RPF2: variants seen among roughly 807,000 people sequenced by gnomAD.
RPF2 encodes brix domain containing 1.
In RPF2, 21 loss-of-function variants were observed where a neutral mutation model predicts 38.9. That is an observed-to-expected ratio of 0.54 (90% CI 0.38 to 0.78). The LOEUF (loss-of-function observed/expected upper bound fraction) is 0.78, where lower values mean the gene tolerates loss of function less well. Among genes scored for constraint, RPF2 ranks in the 30% least tolerant of loss-of-function variants. RPF2 has a pLI of 0.00. For synonymous variants in RPF2, 121 were observed against 126.2 expected (o/e 0.96, Z 0.28); for missense variants, 314 against 358.1 (o/e 0.88, Z 0.99).
chr6:110,989,090 A>G (rs1385027130), intron 3 of RPF2, 25 bp downstream of exon 3: 2 of 1,498,066 alleles, frequency 1.3e-6, no homozygotes, highest in Admixed American at 5.2e-5. Flanking sequence ...CTTTTACTGT[A>G]TTTTAAATGA....
intron 8 of RPF2, among the ~76,000 whole-genome samples, chr6:111,023,771 A>C (rs987174158): frequency 6.6e-6 from 1 of 152,124 alleles, no homozygotes; most frequent in Non-Finnish European, 1.5e-5. Flanking sequence ...GAGGATCATG[A>C]GGTCAGGAGA....
intron 5 of RPF2, among the ~76,000 whole-genome samples, chr6:110,997,473 G>A (rs1472927567): frequency 6.6e-6 from 1 of 152,150 alleles, no homozygotes; most frequent in Non-Finnish European, 1.5e-5. Flanking sequence ...CTGGCATGGT[G>A]GTTCATGCCT....
intron 2 of RPF2, among the ~76,000 whole-genome samples, chr6:110,987,382 A>G (rs533831717): frequency 5.9e-5 from 9 of 152,288 alleles, no homozygotes; most frequent in African/African-American, 2.2e-4. Flanking sequence ...AAACTTGACC[A>G]AACTCTATGC....
At chr6:110,984,283 T>C (rs1394145224) in intron 1 of RPF2, among the ~76,000 whole-genome samples, 1 of 152,120 alleles carries the variant, frequency 6.6e-6, no homozygotes, top group African/African-American at 2.4e-5. Context: ...TGATCAGCAG[T>C]TGATGCTCAA....
chr6:110,991,860 A>C (rs936248066), intron 4 of RPF2, 74 bp downstream of exon 4: 10 of 540,806 alleles, frequency 1.8e-5, no homozygotes, highest in Non-Finnish European at 2.8e-5. Context: ...TTTGTACTCC[A>C]AATTTGTGAT....
chr6:111,006,323 C>CAAA (rs1771907454), intron 6 of RPF2, among the ~76,000 whole-genome samples: 4 of 151,950 alleles, frequency 2.6e-5, no homozygotes, highest in Admixed American at 2.6e-4. Context: ...CAACCTCTGT[C>CAAA]TCTTGGGTTC....
At chr6:110,985,270 C>A in intron 2 of RPF2, 132 bp downstream of exon 2, 1 of 708,544 alleles carries the variant, frequency 1.4e-6, no homozygotes, top group Non-Finnish European at 2.2e-6. Flanking sequence ...TAGAGAAGAG[C>A]TAAAGTTGGG....
intron 6 of RPF2, among the ~76,000 whole-genome samples, chr6:111,003,242 C>G (rs900898774): frequency 6.6e-6 from 1 of 151,980 alleles, no homozygotes; most frequent in Non-Finnish European, 1.5e-5. Context: ...TATTTCTTAC[C>G]TCACCTACCT....
chr6:110,989,375 G>C (rs1771578906), intron 3 of RPF2, among the ~76,000 whole-genome samples: 1 of 152,060 alleles, frequency 6.6e-6, no homozygotes, highest in Non-Finnish European at 1.5e-5. Flanking sequence ...TAACCGTAAT[G>C]CAATGATCAA....
At chr6:111,017,265 G>C (rs942424406) in intron 8 of RPF2, among the ~76,000 whole-genome samples, 3 of 151,820 alleles carry the variant, frequency 2.0e-5, no homozygotes, top group Non-Finnish European at 4.4e-5. Flanking sequence ...TGGCCGGGCA[G>C]AGGTGCCCCC....
intron 5 of RPF2, among the ~76,000 whole-genome samples, chr6:110,998,782 C>G (rs1771763312): frequency 6.6e-6 from 1 of 151,812 alleles, no homozygotes; most frequent in Non-Finnish European, 1.5e-5. Flanking sequence ...GCAGCCAGTG[C>G]CAAGGAGAGG....
chr6:110,988,451 T>C (rs1455941837), intron 2 of RPF2, among the ~76,000 whole-genome samples: 1 of 143,022 alleles, frequency 7.0e-6, no homozygotes, highest in Non-Finnish European at 1.5e-5. Flanking sequence ...TTTTTTTTTT[T>C]CTGAGACAGG....
At chr6:110,994,559 C>T (rs1771674805) in intron 4 of RPF2, among the ~76,000 whole-genome samples, 1 of 151,754 alleles carries the variant, frequency 6.6e-6, no homozygotes, top group Non-Finnish European at 1.5e-5. Flanking sequence ...CACTTTTAGC[C>T]TGGGCAACAG....
At chr6:110,982,725 A>G (rs1043831831) in intron 1 of RPF2, among the ~76,000 whole-genome samples, 4 of 152,218 alleles carry the variant, frequency 2.6e-5, no homozygotes, top group Admixed American at 6.5e-5. Flanking sequence ...TATTTGGGCT[A>G]AACAGCCCTG....
chr6:111,017,493 A>C (rs1463047908), intron 8 of RPF2, among the ~76,000 whole-genome samples: 1 of 149,948 alleles, frequency 6.7e-6, no homozygotes, highest in African/African-American at 2.5e-5. Flanking sequence ...CTCACTTCTC[A>C]GATGGGGCGG....
rs138419581 is a variant in RPF2, at chr6:111,025,921, G to A, written c.*339G>A. On this transcript the variant is annotated 3_prime_UTR_variant, in exon 10 of 10. Transcript: ENST00000441448. ...TAGCTAAAGAAAGCCACAGAAAGCC[G>A]GACCCGCAGGAGCTGTGTAAACAAT... The A allele has an allele frequency of 2.6e-3, 423 of 163,212 alleles. 3 individuals are homozygous for A. Among genetic ancestry groups the A allele is most frequent in the African/African-American group, 9.5e-3 (399 of 41,858 alleles). The allele number at this position is 163,212 out of a possible 1,614,324, so 10.1% of individuals were successfully genotyped here. A position where few individuals can be genotyped will look rare whatever the true frequency, so the allele number is the denominator to read the frequency against.
intron 4 of RPF2, among the ~76,000 whole-genome samples, chr6:110,995,682 C>A (rs3904925): frequency 6.6e-6 from 1 of 152,002 alleles, no homozygotes. Flanking sequence ...TCAAAGCATG[C>A]GGGATGTGGA....
At chr6:110,987,754 T>C (rs1771548131) in intron 2 of RPF2, among the ~76,000 whole-genome samples, 1 of 152,202 alleles carries the variant, frequency 6.6e-6, no homozygotes, top group Non-Finnish European at 1.5e-5. Flanking sequence ...ATGATTATTA[T>C]ACCTTATTTT....
At chr6:111,001,360 T>C (rs929902496) in intron 6 of RPF2, among the ~76,000 whole-genome samples, 3 of 152,092 alleles carry the variant, frequency 2.0e-5, no homozygotes, top group Non-Finnish European at 4.4e-5. Context: ...GTGGAAGCCC[T>C]CATATTATTT....
Sources: gnomAD v4.1 joint callset for allele counts (sites outside exome capture counted in the v4.1 genomes callset) on GRCh38, gnomAD v4.1.1 for gene constraint, MANE v1.5 for transcripts, NCBI Gene and HGNC (gene_info 2026-07-23, HGNC 2026-07-21) for gene names.